C12orf42: variants seen among roughly 807,000 people sequenced by gnomAD.
The protein encoded by C12orf42 is uncharacterized protein C12orf42.
In C12orf42, 25 loss-of-function variants were observed where a neutral mutation model predicts 21.6. That is an observed-to-expected ratio of 1.16 (90% CI 0.84 to 1.62). C12orf42 has a LOEUF of 1.62. Among genes scored for constraint, C12orf42 ranks in the 40% most tolerant of loss-of-function variants. The pLI is 0.00. For synonymous variants in C12orf42, 174 were observed against 175.0 expected (o/e 0.99, Z 0.05); for missense variants, 483 against 459.3 (o/e 1.05, Z -0.47).
chr12:103,188,113 G>T, the C12orf42 span, among the ~76,000 whole-genome samples: 1 of 152,134 alleles, frequency 6.6e-6, no homozygotes, highest in Non-Finnish European at 1.5e-5. Context: ...GTGGCTTATG[G>T]CAAGCAGTGT....
chr12:103,329,071 T>C (rs1291115022), intron 4 of C12orf42, among the ~76,000 whole-genome samples: 1 of 150,610 alleles, frequency 6.6e-6, no homozygotes, highest in Non-Finnish European at 1.5e-5. Flanking sequence ...GGCATGCATT[T>C]AGAGCTATGG....
At chr12:103,084,521 T>C in the C12orf42 span, among the ~76,000 whole-genome samples, 1 of 152,222 alleles carries the variant, frequency 6.6e-6, no homozygotes, top group Non-Finnish European at 1.5e-5. Flanking sequence ...TAAGATTCAG[T>C]TGTAGATATA....
chr12:103,177,872 TGTGCGC>T, the C12orf42 span, among the ~76,000 whole-genome samples: 6 of 122,736 alleles, frequency 4.9e-5, no homozygotes, highest in Admixed American at 8.4e-5. Context: ...TGTGTGTGTG[TGTGCGC>T]GCGCGCTAAC....
chr12:103,467,043 TGA>T (rs1378561097), intron 2 of C12orf42, among the ~76,000 whole-genome samples: 3 of 152,188 alleles, frequency 2.0e-5, no homozygotes, highest in Non-Finnish European at 4.4e-5. Flanking sequence ...GAGGGAGCCA[TGA>T]GAGTCTGAGA....
At chr12:103,312,270 G>A (rs921375532) in intron 4 of C12orf42, among the ~76,000 whole-genome samples, 5 of 152,140 alleles carry the variant, frequency 3.3e-5, no homozygotes, top group African/African-American at 1.2e-4. Flanking sequence ...CACAATCAAT[G>A]CCAGTAGTGC....
At chr12:103,427,313 C>A (rs1189654962) in intron 2 of C12orf42, among the ~76,000 whole-genome samples, 5 of 144,836 alleles carry the variant, frequency 3.5e-5, no homozygotes, top group African/African-American at 1.3e-4. Context: ...AAAAAAGCAG[C>A]GGTTGCAATC....
chr12:103,451,180 G>C (rs1294965544), intron 2 of C12orf42, among the ~76,000 whole-genome samples: 4 of 151,848 alleles, frequency 2.6e-5, no homozygotes, highest in Admixed American at 6.6e-5. Context: ...TTGCCAAATG[G>C]AGACAATATT....
At chr12:103,281,879 GAAAGAAAGAA>G (rs1397835646) in intron 4 of C12orf42, among the ~76,000 whole-genome samples, 3 of 135,628 alleles carry the variant, frequency 2.2e-5, no homozygotes, top group Non-Finnish European at 3.2e-5. Flanking sequence ...AGAGAAAAGA[GAAAGAAAGAA>G]AAAGAAAGAA....
chr12:103,410,855 G>C (rs546852344), intron 2 of C12orf42, among the ~76,000 whole-genome samples: 5 of 152,256 alleles, frequency 3.3e-5, no homozygotes, highest in Admixed American at 2.0e-4. Context: ...TAAGGAAAGC[G>C]GGAAGAGAAA....
chr12:103,185,445 T>C, the C12orf42 span, among the ~76,000 whole-genome samples: 2 of 152,278 alleles, frequency 1.3e-5, no homozygotes, highest in East Asian at 3.9e-4. Flanking sequence ...ATCAACAATA[T>C]CTACTACAGA....
chr12:103,516,637 T>C, the C12orf42 span, among the ~76,000 whole-genome samples: 2 of 152,166 alleles, frequency 1.3e-5, no homozygotes, highest in Non-Finnish European at 1.5e-5. Context: ...GCTCACTCAC[T>C]ATCATGAGAA....
chr12:103,249,839 G>A (rs559091256), intron 10 of C12orf42, among the ~76,000 whole-genome samples: 96 of 152,152 alleles, frequency 6.3e-4, no homozygotes, highest in African/African-American at 2.2e-3. Context: ...GAGCAAACCA[G>A]TCAATCCTTA....
At chr12:103,124,471 A>G in the C12orf42 span, among the ~76,000 whole-genome samples, 3 of 152,260 alleles carry the variant, frequency 2.0e-5, no homozygotes, top group Non-Finnish European at 2.9e-5. Flanking sequence ...ATAATTCTGC[A>G]GGACTCCAAG....
chr12:103,135,512 T>C, the C12orf42 span, among the ~76,000 whole-genome samples: 1 of 151,348 alleles, frequency 6.6e-6, no homozygotes, highest in African/African-American at 2.4e-5. Context: ...GTTACCATCA[T>C]AGATGTTACC....
the C12orf42 span, among the ~76,000 whole-genome samples, chr12:103,217,812 C>T: frequency 7.9e-5 from 12 of 152,118 alleles, no homozygotes; most frequent in Non-Finnish European, 5.9e-5. Context: ...GTAGAGCCCC[C>T]CTTACTCCCA....
chr12:103,199,423 G>A, the C12orf42 span, among the ~76,000 whole-genome samples: 1 of 151,946 alleles, frequency 6.6e-6, no homozygotes, highest in Non-Finnish European at 1.5e-5. Flanking sequence ...TAATTTTTTT[G>A]GATATGACAC....
chr12:103,328,718 C>T (rs530323652), intron 4 of C12orf42, among the ~76,000 whole-genome samples: 1 of 152,098 alleles, frequency 6.6e-6, no homozygotes, highest in Non-Finnish European at 1.5e-5. Context: ...AATGAATGAC[C>T]TCTCAGAGCA....
At chr12:103,479,745 A>G (rs1954326968) in intron 1 of C12orf42, among the ~76,000 whole-genome samples, 1 of 152,154 alleles carries the variant, frequency 6.6e-6, no homozygotes, top group South Asian at 2.1e-4. Flanking sequence ...TACATTAACA[A>G]AATTTCCAAT....
the C12orf42 span, among the ~76,000 whole-genome samples, chr12:103,118,454 C>T: frequency 1.9e-4 from 29 of 152,232 alleles, no homozygotes; most frequent in South Asian, 1.0e-3. Flanking sequence ...TTCATATGGA[C>T]CTTTCACATA....
Sources: gnomAD v4.1 joint callset for allele counts (sites outside exome capture counted in the v4.1 genomes callset) on GRCh38, gnomAD v4.1.1 for gene constraint, MANE v1.5 for transcripts, NCBI Gene and HGNC (gene_info 2026-07-23, HGNC 2026-07-21) for gene names.